The following SPEF2 variants were observed in gnomAD, a reference collection of about 807,000 sequenced individuals.
SPEF2 encodes sperm flagella and cilia-associated protein 2.
A neutral mutation model predicts 224.6 loss-of-function variants in SPEF2; 187 were observed. That is an observed-to-expected ratio of 0.83 (90% CI 0.74 to 0.94). The LOEUF (loss-of-function observed/expected upper bound fraction) is 0.94, where lower values mean the gene tolerates loss of function less well. Ranked by LOEUF, SPEF2 falls within the 40% of genes least tolerant of loss-of-function variation. The pLI is 0.00. For missense variants in SPEF2, 2,170 were observed against 2,135.6 expected, an observed-to-expected ratio of 1.02 and a Z score of -0.32; for synonymous variants, 715 against 707.3, an observed-to-expected ratio of 1.01 and a Z score of -0.17.
chr5:35,710,340 C>G, intron 19 of SPEF2: 1 of 830,262 alleles, frequency 1.2e-6, no homozygotes, highest in Non-Finnish European at 1.5e-6. Context: ...GGCAGATCAC[C>G]AGAAATCAGG....
chr5:35,639,498 T>C (rs988509203), intron 2 of SPEF2, among the ~76,000 whole-genome samples: 5 of 152,176 alleles, frequency 3.3e-5, no homozygotes, highest in Non-Finnish European at 7.4e-5. Flanking sequence ...CTAACACTTT[T>C]AGTTTCTTTA....
intron 12 of SPEF2, 126 bp downstream of exon 12, chr5:35,692,850 G>C: frequency 1.3e-6 from 1 of 786,880 alleles, no homozygotes. Context: ...AAAAGTTTAG[G>C]TTCTGCAAAA....
intron 10 of SPEF2, among the ~76,000 whole-genome samples, chr5:35,689,070 C>T (rs1046820516): frequency 3.3e-4 from 50 of 152,188 alleles, no homozygotes; most frequent in African/African-American, 1.2e-3. Context: ...CTCTAGAAGA[C>T]TTTTAAACAT....
At chr5:35,758,516 T>C (rs1750762301) in intron 24 of SPEF2, among the ~76,000 whole-genome samples, 1 of 152,188 alleles carries the variant, frequency 6.6e-6, no homozygotes, top group Admixed American at 6.5e-5. Flanking sequence ...AAATGACCTG[T>C]GCTGACAGGG....
At chr5:35,624,540 A>G (rs1429385207) in intron 1 of SPEF2, among the ~76,000 whole-genome samples, 1 of 152,168 alleles carries the variant, frequency 6.6e-6, no homozygotes, top group African/African-American at 2.4e-5. Flanking sequence ...AGAGAAAAAA[A>G]TAAGCTTTTT....
At chr5:35,698,870 C>T (rs1398490224) in intron 15 of SPEF2, 1 of 152,272 alleles carries the variant, frequency 6.6e-6, no homozygotes, top group African/African-American at 2.4e-5. Context: ...CTCCCCCTTC[C>T]TCTGAAGTGG....
Position 35,698,187 on chromosome 5 carries a change from C to G in SPEF2, c.2141+394C>G, listed in dbSNP as rs539988592. The G allele has an allele frequency of 6.0e-4, 95 of 159,556 alleles. 1 individual carries two copies. The highest frequency in any genetic ancestry group is 5.7e-3 in the Admixed American group (89 of 15,574). The allele number at this position is 159,556 out of a possible 1,614,324, so 9.9% of individuals were successfully genotyped here. ...AGGTCAGCAGGCTGGAGAAAACTGT[C>G]AAAAAGTCCCCTGAGAAAGAGCTGC... is the stretch of plus-strand genomic sequence containing the variant. On this transcript the variant is annotated intron_variant, in intron 15 of 36. Coordinates refer to ENST00000356031, the MANE Select transcript of SPEF2 (RefSeq NM_024867.4).
At position 35,751,057 on chromosome 5, in the gene SPEF2, G is replaced by A. The variant is rs867081969; in HGVS notation, c.3331-2567G>A. The stretch of plus-strand genomic sequence containing the variant: ...TATACACATATGTATATATATATAC[G>A]TATATATATGTATATATATATACAC... On this transcript the variant is annotated intron_variant, in intron 23 of 36. Transcript: ENST00000356031. 9.6e-4 allele frequency among the ~76,000 whole-genome samples: 23 copies of A among 23,984 alleles called. 2 individuals are homozygous for A. The highest frequency in any genetic ancestry group is 2.2e-3 in the South Asian group (1 of 460). The allele number at this position is 23,984 out of a possible 152,430, so 15.7% of individuals were successfully genotyped here.
chr5:35,727,534 T>G (rs1400085244), intron 20 of SPEF2, 141 bp from the exon 21 acceptor site: 5 of 628,652 alleles, frequency 8.0e-6, no homozygotes, highest in East Asian at 5.9e-5. Flanking sequence ...GAATAAGGAT[T>G]TTTTGTAAGA....
intron 23 of SPEF2, among the ~76,000 whole-genome samples, chr5:35,743,853 C>G (rs1051574374): frequency 1.3e-5 from 2 of 152,132 alleles, no homozygotes; most frequent in African/African-American, 4.8e-5. Context: ...GCTGAGCATG[C>G]ACTATGTTCT....
intron 6 of SPEF2, 51 bp downstream of exon 6, chr5:35,649,476 A>T (rs371292467): frequency 5.9e-6 from 8 of 1,366,896 alleles, no homozygotes; most frequent in East Asian, 4.8e-5. Context: ...TGTTCTACAC[A>T]TAGCTTTTGA....
chr5:35,635,358 C>G (rs996740996), intron 2 of SPEF2, among the ~76,000 whole-genome samples: 1 of 152,064 alleles, frequency 6.6e-6, no homozygotes, highest in African/African-American at 2.4e-5. Context: ...TTAACTTTAA[C>G]CATTTTCCCA....
chr5:35,744,916 C>G (rs1748235752), intron 23 of SPEF2, among the ~76,000 whole-genome samples: 2 of 152,164 alleles, frequency 1.3e-5, no homozygotes, highest in Admixed American at 1.3e-4. Context: ...CTCACAGACC[C>G]TCTGAAGGAG....
At chr5:35,814,332 A>C (rs1207755649) in intron 36 of SPEF2, 132 bp from the exon 37 acceptor site, 3 of 442,950 alleles carry the variant, frequency 6.8e-6, no homozygotes, top group Non-Finnish European at 1.2e-5. Flanking sequence ...AAATTTGCTC[A>C]GTGGAAAAAA....
chr5:35,793,727 A>AACACACACACAC (rs374573342), intron 32 of SPEF2, among the ~76,000 whole-genome samples: 35 of 100,872 alleles, frequency 3.5e-4, no homozygotes, highest in African/African-American at 9.2e-4. Context: ...CAGTGGTTAA[A>AACACACACACAC]ACACACACAC....
chr5:35,654,704 T>A lies in SPEF2; in HGVS notation c.956T>A (p.Leu319Ter). Residue 319 changes from leucine to a stop codon, truncating the protein, a stop_gained, in exon 7 of 37, where the codon TTA becomes TAA. Coordinates refer to ENST00000356031, the MANE Select transcript of SPEF2 (RefSeq NM_024867.4). LOFTEE classifies it high-confidence loss of function. ...KRRRKLLMDQ[L>*]IAHEAQEEAY... ...CGGCGGAAATTGTTAATGGACCAGT[T>A]AATAGCCCACGAAGCACAAGAGGTA... 6.2e-7 allele frequency: 1 copy of A among 1,608,118 alleles called. No homozygotes were observed. The highest frequency in any genetic ancestry group is 8.5e-7 in the Non-Finnish European group (1 of 1,178,726).
intron 19 of SPEF2, among the ~76,000 whole-genome samples, chr5:35,711,290 T>A (rs1163000023): frequency 3.3e-5 from 5 of 152,186 alleles, no homozygotes; most frequent in South Asian, 2.1e-4. Flanking sequence ...TGTTAAAAAA[T>A]TTTGTTATTT....
chr5:35,807,470 GT>G (rs1228662817), intron 36 of SPEF2, among the ~76,000 whole-genome samples: 1 of 152,198 alleles, frequency 6.6e-6, no homozygotes, highest in Non-Finnish European at 1.5e-5. Context: ...ATAGGTGGTA[GT>G]TAAAGCTGGG....
intron 1 of SPEF2, among the ~76,000 whole-genome samples, chr5:35,625,124 G>C (rs1744053153): frequency 6.6e-6 from 1 of 152,020 alleles, no homozygotes; most frequent in South Asian, 2.1e-4. Context: ...AGTTTCTGCT[G>C]ATGTGGTACA....
Sources: allele counts gnomAD v4.1 joint callset (sites outside exome capture counted in the v4.1 genomes callset), GRCh38; gene constraint gnomAD v4.1.1; transcripts MANE v1.5; gene names NCBI Gene and HGNC (gene_info 2026-07-23, HGNC 2026-07-21).